The following MSH3 variants were observed in gnomAD, a reference collection of about 807,000 sequenced individuals.
MSH3 encodes the protein DNA mismatch repair protein Msh3.
MSH3 carries 106 observed loss-of-function variants against 123.3 expected under a neutral mutation model. The ratio of observed to expected loss-of-function variants is 0.86; its 90% CI spans 0.73 to 1.01. The LOEUF is 1.01. MSH3 is among the 50% of genes least tolerant of loss of function. The pLI is 0.00. For missense variants in MSH3, 1,459 were observed against 1,347.6 expected (o/e 1.08, Z -1.29); for synonymous variants, 515 against 481.4 (o/e 1.07, Z -0.91).
rs372442835 is a variant in MSH3 at position 80,654,758 on chromosome 5, C to T, written c.31C>T (p.Leu11Phe). Residue 11 changes from leucine (L) to phenylalanine (F), a missense_variant, in exon 1 of 24, where the codon CTC becomes TTC. Leu to Phe is a conservative substitution (Grantham distance 22, BLOSUM62 0). Transcript: ENST00000265081. The stretch of plus-strand genomic sequence containing the variant: ...TCGCCGGAAGCCTGCGTCGGGCGGC[C>T]TCGCTGCCTCCAGCTCAGCCCCTGC... MSRRKPASGG[L>F]AASSSAPARQ... is the part of the protein sequence containing the mutation. The T allele has an allele frequency of 3.1e-6, 5 of 1,603,594 alleles. No individual in the cohort carries two copies. Among genetic ancestry groups the T allele is most frequent in the South Asian group, 2.2e-5 (2 of 90,408 alleles).
chr5:80,734,741 G>A (rs1743472297), intron 10 of MSH3, among the ~76,000 whole-genome samples: 1 of 152,168 alleles, frequency 6.6e-6, no homozygotes, highest in Non-Finnish European at 1.5e-5. Context: ...TTGGCCAAGA[G>A]TTGAGGTGAC....
At chr5:80,774,329 G>A (rs1372877395) in intron 15 of MSH3, among the ~76,000 whole-genome samples, 1 of 151,834 alleles carries the variant, frequency 6.6e-6, no homozygotes, top group African/African-American at 2.4e-5. Flanking sequence ...TGGAGAAAAG[G>A]GAACTCTTGT....
intron 8 of MSH3, among the ~76,000 whole-genome samples, chr5:80,704,106 C>T (rs145823908): frequency 6.6e-6 from 1 of 152,140 alleles, no homozygotes; most frequent in African/African-American, 2.4e-5. Flanking sequence ...AGTGGGGCTC[C>T]CTGATTTTCT....
intron 8 of MSH3, among the ~76,000 whole-genome samples, chr5:80,723,306 A>C (rs1255969753): frequency 2.6e-5 from 4 of 152,104 alleles, no homozygotes; most frequent in African/African-American, 7.2e-5. Context: ...CGTGATACAG[A>C]GATAGACAAA....
intron 9 of MSH3, among the ~76,000 whole-genome samples, chr5:80,727,453 T>TC (rs1320744660): frequency 6.6e-6 from 1 of 152,202 alleles, no homozygotes; most frequent in African/African-American, 2.4e-5. Flanking sequence ...TGCAAGAAAG[T>TC]CAAACAGTGT....
At chr5:80,729,870 T>C (rs1369918748) in intron 10 of MSH3, among the ~76,000 whole-genome samples, 2 of 152,176 alleles carry the variant, frequency 1.3e-5, no homozygotes, top group African/African-American at 4.8e-5. Context: ...CTCCATTATA[T>C]TGATCCAGGG....
At chr5:80,733,046 A>C (rs1187080028) in intron 10 of MSH3, among the ~76,000 whole-genome samples, 1 of 152,184 alleles carries the variant, frequency 6.6e-6, no homozygotes, top group Non-Finnish European at 1.5e-5. Flanking sequence ...TAGGATTCAT[A>C]TCTCTGTTTC....
intron 8 of MSH3, among the ~76,000 whole-genome samples, chr5:80,715,777 C>G (rs1750947770): frequency 6.6e-6 from 1 of 152,014 alleles, no homozygotes; most frequent in Non-Finnish European, 1.5e-5. Flanking sequence ...TTCAAACAAC[C>G]AGATCTCATG....
At chr5:80,791,410 G>C (rs1474548661) in intron 18 of MSH3, among the ~76,000 whole-genome samples, 1 of 152,138 alleles carries the variant, frequency 6.6e-6, no homozygotes, top group East Asian at 1.9e-4. Flanking sequence ...GAACCTATTA[G>C]AAATGTATTG....
At chr5:80,784,464 G>A (rs1300175521) in intron 17 of MSH3, among the ~76,000 whole-genome samples, 1 of 151,984 alleles carries the variant, frequency 6.6e-6, no homozygotes, top group Non-Finnish European at 1.5e-5. Context: ...TGGGGTACGT[G>A]AGATATTTTG....
chr5:80,685,048 G>A (rs1295069933), intron 8 of MSH3, among the ~76,000 whole-genome samples: 1 of 151,730 alleles, frequency 6.6e-6, no homozygotes, highest in Non-Finnish European at 1.5e-5. Context: ...TTAATGTGTT[G>A]TTGAATTCAG....
chr5:80,847,191 C>G (rs1340424089), intron 20 of MSH3, among the ~76,000 whole-genome samples: 2 of 152,076 alleles, frequency 1.3e-5, no homozygotes, highest in Admixed American at 6.6e-5. Flanking sequence ...TCCTGAGTAG[C>G]TGGGATTACA....
At chr5:80,675,270 A>G in intron 7 of MSH3, 142 bp downstream of exon 7, 1 of 1,000,576 alleles carries the variant, frequency 1.0e-6, no homozygotes, top group South Asian at 1.5e-5. Context: ...TTCTCACAAT[A>G]TTATATGTTA....
intron 9 of MSH3, among the ~76,000 whole-genome samples, chr5:80,725,789 G>A (rs1250243998): frequency 1.3e-5 from 2 of 152,128 alleles, no homozygotes; most frequent in Admixed American, 1.3e-4. Flanking sequence ...GTTCGAGGCA[G>A]CAATGAGCTA....
intron 8 of MSH3, among the ~76,000 whole-genome samples, chr5:80,700,819 A>C (rs574489188): frequency 5.9e-5 from 9 of 152,344 alleles, no homozygotes; most frequent in African/African-American, 2.2e-4. Flanking sequence ...TGATAGTCGA[A>C]TAGGAAGAAA....
At chr5:80,701,162 T>C (rs553171241) in intron 8 of MSH3, among the ~76,000 whole-genome samples, 2 of 152,310 alleles carry the variant, frequency 1.3e-5, no homozygotes, top group East Asian at 1.9e-4. Context: ...GTAGTCTTTA[T>C]TATTTCAGGT....
rs969275897 is a variant in MSH3, at chr5:80,854,380, A to G, written c.3000+64A>G. On this transcript the variant is annotated intron_variant, in intron 21 of 23. Coordinates refer to ENST00000265081, the MANE Select transcript of MSH3 (RefSeq NM_002439.5). ...TTGTAAATTATTATTTTTAAATGAC[A>G]GTCATAATTGTGCCATATTTATGGG... is the stretch of plus-strand genomic sequence containing the variant. 8.3e-6 allele frequency: 12 copies of G among 1,450,938 alleles called. No individual in the cohort carries two copies. In the African/African-American group the frequency reaches 1.7e-4, roughly 21 times the overall value. The allele number at this position is 1,450,938 out of a possible 1,614,324, so 89.9% of individuals were successfully genotyped here.
rs961107723 is a variant in MSH3, at chr5:80,654,982, C to T, written c.237+18C>T. Reference sequence around the variant, plus strand: ...CGCACATAGTAGGTTCTGTCTGGGACTGGGCAGGGCCATCGGGGCTGGGGG... The same window carrying T: ...CGCACATAGTAGGTTCTGTCTGGGATTGGGCAGGGCCATCGGGGCTGGGGG... On this transcript the variant is annotated intron_variant, in intron 1 of 23. Coordinates refer to ENST00000265081, the MANE Select transcript of MSH3 (RefSeq NM_002439.5). 1.7e-5 allele frequency: 24 copies of T among 1,399,424 alleles called. No homozygotes were observed. The East Asian group carries it at 6.7e-4, about 39-fold the overall frequency. The allele number at this position is 1,399,424 out of a possible 1,614,324, so 86.7% of individuals were successfully genotyped here.
Position 80,654,843 on chromosome 5 carries a change from C to T in MSH3, c.116C>T (p.Ser39Phe), listed in dbSNP as rs2112797345. ...QSTGSLKSTS[S>F]STGAADQVDP... ...ACGGGAAGCCTGAAATCCACCTCCT[C>T]CTCCACAGGTGCAGCCGACCAGGTG... The change falls in exon 1 of 24, where the codon TCC (serine) becomes TTC (phenylalanine). Residue 39 changes from serine to phenylalanine, a missense_variant. Physicochemically the swap from Ser to Phe is radical, Grantham distance 155. Transcript: ENST00000265081. 6.2e-7 allele frequency: 1 copy of T among 1,606,016 alleles called. No individual in the cohort carries two copies.
Sources: allele counts gnomAD v4.1 joint callset (sites outside exome capture counted in the v4.1 genomes callset), GRCh38; gene constraint gnomAD v4.1.1; transcripts MANE v1.5; gene names NCBI Gene and HGNC (gene_info 2026-07-23, HGNC 2026-07-21).